FRYL: variants seen among roughly 807,000 people sequenced by gnomAD.
FRYL encodes the protein FRY like transcription coactivator, also known as protein furry homolog-like.
A neutral mutation model predicts 351.2 loss-of-function variants in FRYL; 150 were observed. That is an observed-to-expected ratio of 0.43 (90% CI 0.37 to 0.49). FRYL has a LOEUF of 0.49. Among genes scored for constraint, FRYL ranks in the 20% least tolerant of loss-of-function variants. The pLI is 0.00. For synonymous variants in FRYL, 1,153 were observed against 1,257.1 expected (o/e 0.92, Z 1.75); for missense variants, 3,036 against 3,619.3 (o/e 0.84, Z 4.13).
At chr4:48,694,498 T>C (rs1765966396) in intron 2 of FRYL, among the ~76,000 whole-genome samples, 1 of 152,066 alleles carries the variant, frequency 6.6e-6, no homozygotes, top group Admixed American at 6.6e-5. Flanking sequence ...GGTTTCACCA[T>C]GTTGCCCAGG....
Position 48,564,098 on chromosome 4 carries a change from T to C in FRYL, c.3446A>G (p.His1149Arg), listed in dbSNP as rs1394985489. ...NILDSLDKKV[H>R]QLGCEAVTLL... ...CGTAACTGCTTCACAGCCCAGCTGG[T>C]GAACCTAGGTAAAGGTTGTGAAATT... Residue 1149 changes from histidine to arginine, a missense_variant, in exon 31 of 64, where the codon CAC becomes CGC. This residue lies in a region of FRYL where 1,987 missense variants were observed against 2,311.7 expected (regional missense o/e 0.86). Coordinates refer to ENST00000358350, the MANE Select transcript of FRYL (RefSeq NM_015030.2). The C allele has an allele frequency of 6.2e-7, 1 of 1,613,478 alleles. No homozygotes were observed. Among genetic ancestry groups the C allele is most frequent in the Non-Finnish European group, 8.5e-7 (1 of 1,179,840 alleles).
intron 19 of FRYL, among the ~76,000 whole-genome samples, chr4:48,585,872 C>T (rs1354405642): frequency 6.6e-6 from 1 of 152,146 alleles, no homozygotes; most frequent in Admixed American, 6.5e-5. Context: ...AAATGTACAA[C>T]AGATTATTGT....
chr4:48,607,630 C>T (rs1161134258), intron 9 of FRYL, among the ~76,000 whole-genome samples: 1 of 152,140 alleles, frequency 6.6e-6, no homozygotes, highest in African/African-American at 2.4e-5. Flanking sequence ...CTCTTCCCCA[C>T]TCCCACTCAA....
In FRYL at chr4:48,672,192, T is replaced by C. The variant is rs568943561; in HGVS notation, c.-81+12481A>G. On this transcript the variant is annotated intron_variant, in intron 3 of 63. Transcript: ENST00000358350. The stretch of plus-strand genomic sequence containing the variant: ...AGAAAGAAGATATGATTCAAATTGA[T>C]AGGTGAGGTTAACTAGTCTAGAGCG... Among the ~76,000 whole-genome samples the C allele has an allele frequency of 1.6e-4, 24 of 152,346 alleles. No individual in the cohort carries two copies. In the South Asian group the frequency reaches 4.8e-3, roughly 30 times the overall value.
intron 2 of FRYL, among the ~76,000 whole-genome samples, chr4:48,691,666 A>G (rs1261062817): frequency 6.6e-6 from 1 of 152,196 alleles, no homozygotes; most frequent in Non-Finnish European, 1.5e-5. Flanking sequence ...TATACCACAA[A>G]TGCTGATAAC....
In FRYL at chr4:48,557,445, C is replaced by T; in HGVS notation, c.4125+8G>A. The T allele has an allele frequency of 6.2e-7, 1 of 1,613,524 alleles. No individual in the cohort carries two copies. ...GTGCAGCAATTATAAATACAAAACT[C>T]ATTTTACCTTTGCTGTCATATACAT... On this transcript the variant is annotated splice_region_variant and intron_variant, in intron 34 of 63. Transcript: ENST00000358350.
At chr4:48,653,237 T>A (rs1277365592) in intron 3 of FRYL, among the ~76,000 whole-genome samples, 1 of 152,178 alleles carries the variant, frequency 6.6e-6, no homozygotes, top group Non-Finnish European at 1.5e-5. Flanking sequence ...AAATTACACA[T>A]TATAACTTCA....
chr4:48,576,305 T>C (rs1739589635), intron 23 of FRYL, 83 bp from the exon 24 acceptor site: 1 of 218,796 alleles, frequency 4.6e-6, no homozygotes, highest in African/African-American at 3.6e-5. Flanking sequence ...GCTAAATTTC[T>C]TTTTTTTTTT....
intron 1 of FRYL, among the ~76,000 whole-genome samples, chr4:48,737,264 A>AC (rs1451906358): frequency 6.6e-6 from 1 of 151,450 alleles, no homozygotes. Flanking sequence ...TCACAGAAAA[A>AC]AAAAAAAAAA....
At chr4:48,777,134 T>C (rs765082636) in intron 1 of FRYL, among the ~76,000 whole-genome samples, 5 of 152,222 alleles carry the variant, frequency 3.3e-5, no homozygotes, top group Admixed American at 1.3e-4. Context: ...CTTTACATAA[T>C]ACCCTTTAAA....
At chr4:48,716,095 C>T (rs1455612615) in intron 1 of FRYL, among the ~76,000 whole-genome samples, 1 of 152,144 alleles carries the variant, frequency 6.6e-6, no homozygotes, top group Non-Finnish European at 1.5e-5. Context: ...AATCTGGATC[C>T]CTTCCTTACA....
intron 3 of FRYL, among the ~76,000 whole-genome samples, chr4:48,644,036 C>T (rs1196858212): frequency 2.0e-5 from 3 of 152,176 alleles, no homozygotes; most frequent in Non-Finnish European, 2.9e-5. Context: ...CTCTGCCTCC[C>T]AGGATCAAGC....
Position 48,698,392 on chromosome 4 carries a change from C to T in FRYL, c.-204+12127G>A, listed in dbSNP as rs549485675. 3.3e-5 allele frequency among the ~76,000 whole-genome samples: 5 copies of T among 152,322 alleles called. No homozygotes were observed. The East Asian group carries it at 9.6e-4, about 29-fold the overall frequency. ...TAAACAAGATGTTTTTCCTGTAAGC[C>T]TCCCTGCCACAATTTCTCAATGTGA... On this transcript the variant is annotated intron_variant, in intron 2 of 63. Coordinates refer to ENST00000358350, the MANE Select transcript of FRYL (RefSeq NM_015030.2).
rs1385359620 is a variant in FRYL, at chr4:48,558,753, G to A, written c.3866-1041C>T. On this transcript the variant is annotated intron_variant, in intron 33 of 63. Transcript: ENST00000358350. ...TACTTTTACATTCAGATCCTTTAAT[G>A]CTCATGACAAACCTGTGAGGTGGGC... Among the ~76,000 whole-genome samples, 5 of 152,180 alleles carry A rather than the reference G, an allele frequency of 3.3e-5. No homozygotes were observed. The East Asian group carries it at 9.6e-4, about 29-fold the overall frequency.
At chr4:48,602,456 G>C (rs1745905713) in intron 12 of FRYL, among the ~76,000 whole-genome samples, 4 of 152,072 alleles carry the variant, frequency 2.6e-5, no homozygotes. Flanking sequence ...CTTTCTGTTT[G>C]TCAAATGTGT....
chr4:48,738,813 C>T (rs1369968319), intron 1 of FRYL, among the ~76,000 whole-genome samples: 1 of 151,874 alleles, frequency 6.6e-6, no homozygotes, highest in African/African-American at 2.4e-5. Context: ...GACAGGAAGA[C>T]TCAATATTGT....
intron 35 of FRYL, among the ~76,000 whole-genome samples, chr4:48,553,657 A>G (rs1733393017): frequency 8.5e-6 from 1 of 118,050 alleles, no homozygotes; most frequent in African/African-American, 2.7e-5. Flanking sequence ...TACTTTAAAA[A>G]AAAAAAAAAA....
intron 1 of FRYL, among the ~76,000 whole-genome samples, chr4:48,721,503 G>A (rs926738934): frequency 6.6e-6 from 1 of 151,870 alleles, no homozygotes; most frequent in African/African-American, 2.4e-5. Flanking sequence ...TCTATAAGAA[G>A]TAAAATAAAT....
At chr4:48,569,811 C>CT (rs975514382) in intron 27 of FRYL, among the ~76,000 whole-genome samples, 1 of 151,932 alleles carries the variant, frequency 6.6e-6, no homozygotes, top group South Asian at 2.1e-4. Flanking sequence ...AATAATACTT[C>CT]TTTTTTTTCC....
Sources: allele counts gnomAD v4.1 joint callset (sites outside exome capture counted in the v4.1 genomes callset), GRCh38; gene constraint gnomAD v4.1.1; regional missense constraint gnomAD v4.1.1; transcripts MANE v1.5; gene names NCBI Gene and HGNC (gene_info 2026-07-23, HGNC 2026-07-21).